The following SPATA7 variants were observed in gnomAD, a reference collection of about 807,000 sequenced individuals.
The protein encoded by SPATA7 is spermatogenesis-associated protein 7.
Under a neutral mutation model 51.8 loss-of-function variants are expected in SPATA7, and 43 were observed. The observed-to-expected ratio is 0.83, with a 90% CI of 0.65 to 1.07. SPATA7 has a LOEUF of 1.07. Among genes scored for constraint, SPATA7 ranks in the 50% least tolerant of loss-of-function variants. The pLI is 0.00. For missense variants in SPATA7, 683 were observed against 701.3 expected (o/e 0.97, Z 0.30); for synonymous variants, 230 against 252.8 (o/e 0.91, Z 0.86).
At chr14:88,426,747 A>T (rs1165584686) in intron 6 of SPATA7, 43 bp downstream of exon 6, 2 of 1,523,052 alleles carry the variant, frequency 1.3e-6, no homozygotes, top group East Asian at 2.3e-5. Context: ...TCAGGAAATT[A>T]AATGAAAATT....
At chr14:88,463,606 A>T (rs1318721426) in intron 4 of SPATA7, among the ~76,000 whole-genome samples, 2 of 152,122 alleles carry the variant, frequency 1.3e-5, no homozygotes, top group Non-Finnish European at 2.9e-5. Context: ...GTAAGCTTTG[A>T]GGGCACAAAC....
intron 9 of SPATA7, among the ~76,000 whole-genome samples, chr14:88,431,652 C>T (rs1012184432): frequency 6.6e-6 from 1 of 152,160 alleles, no homozygotes; most frequent in Non-Finnish European, 1.5e-5. Context: ...TTCTGTTCTA[C>T]TTTCTACTTC....
intron 4 of SPATA7, among the ~76,000 whole-genome samples, chr14:88,399,074 A>G (rs2075984483): frequency 6.6e-6 from 1 of 152,090 alleles, no homozygotes; most frequent in Admixed American, 6.6e-5. Flanking sequence ...AAAGAAAAAA[A>G]AGTAAATATC....
At chr14:88,415,636 T>C (rs908500845) in intron 4 of SPATA7, among the ~76,000 whole-genome samples, 2 of 152,148 alleles carry the variant, frequency 1.3e-5, no homozygotes, top group African/African-American at 4.8e-5. Flanking sequence ...GATCCTGTCA[T>C]GGTGGTGTTT....
intron 4 of SPATA7, among the ~76,000 whole-genome samples, chr14:88,412,167 T>A (rs1381416334): frequency 3.3e-5 from 5 of 152,122 alleles, no homozygotes; most frequent in Non-Finnish European, 7.4e-5. Context: ...CTTCTTTTGA[T>A]AAGTGTCTAT....
intron 10 of SPATA7, among the ~76,000 whole-genome samples, chr14:88,436,204 G>A (rs994085972): frequency 7.2e-5 from 11 of 152,152 alleles, no homozygotes; most frequent in South Asian, 4.1e-4. Flanking sequence ...TCTACAATTC[G>A]TATGTCTTTT....
At chr14:88,394,987 G>A (rs770965180) in intron 3 of SPATA7, among the ~76,000 whole-genome samples, 1 of 152,016 alleles carries the variant, frequency 6.6e-6, no homozygotes, top group Non-Finnish European at 1.5e-5. Flanking sequence ...GTATTAAGTT[G>A]TGAGTTTCTT....
chr14:88,416,641 A>T, intron 4 of SPATA7, 70 bp from the exon 5 acceptor site: 1 of 1,418,946 alleles, frequency 7.0e-7, no homozygotes, highest in Non-Finnish European at 9.9e-7. Flanking sequence ...TCCATTTATT[A>T]CTCTAACAAG....
chr14:88,398,153 T>C (rs1053998078), intron 4 of SPATA7, among the ~76,000 whole-genome samples: 2 of 152,070 alleles, frequency 1.3e-5, no homozygotes, highest in African/African-American at 4.8e-5. Context: ...GATTGTCGTA[T>C]TAATCATATA....
At chr14:88,441,989 C>T (rs1595308014), downstream of SPATA7, among the ~76,000 whole-genome samples, 1 of 152,086 alleles carries the variant, frequency 6.6e-6, no homozygotes, top group East Asian at 1.9e-4. Flanking sequence ...AGATTTAAGT[C>T]TTTGATCCAT....
chr14:88,397,584 A>C (rs1052065698), intron 4 of SPATA7, among the ~76,000 whole-genome samples: 4 of 151,536 alleles, frequency 2.6e-5, no homozygotes, highest in African/African-American at 9.7e-5. Context: ...TCAAGGCTGC[A>C]GTAAGCCATG....
chr14:88,463,526 A>G (rs768180842), intron 4 of SPATA7, among the ~76,000 whole-genome samples: 12 of 152,150 alleles, frequency 7.9e-5, no homozygotes, highest in Non-Finnish European at 1.3e-4. Context: ...AATTTCTTGG[A>G]GTACAGAACA....
intron 3 of SPATA7, among the ~76,000 whole-genome samples, chr14:88,453,304 G>A (rs780012438): frequency 3.3e-5 from 5 of 152,162 alleles, no homozygotes; most frequent in African/African-American, 7.2e-5. Flanking sequence ...CAGGTTCCCC[G>A]TGTAGAAAGA....
chr14:88,455,883 A>T (rs1446889036), downstream of SPATA7, among the ~76,000 whole-genome samples: 1 of 64,294 alleles, frequency 1.6e-5, no homozygotes, highest in African/African-American at 6.2e-5. Context: ...CCCTCCCCCC[A>T]CCCCACAACA....
At chr14:88,388,095 G>A (rs1490890698) in intron 1 of SPATA7, among the ~76,000 whole-genome samples, 3 of 151,968 alleles carry the variant, frequency 2.0e-5, no homozygotes, top group Non-Finnish European at 4.4e-5. Context: ...CCAGCTACTC[G>A]GGAGGCTAAG....
rs181052380 is a variant in SPATA7 at position 88,438,047 on chromosome 14, G to T, written c.1425G>T (p.Leu475Phe). 62 of 1,614,086 alleles carry T rather than the reference G, an allele frequency of 3.8e-5. No individual in the cohort carries two copies. The Middle Eastern group carries it at 1.2e-3, about 30-fold the overall frequency. Residue 475 changes from leucine (L) to phenylalanine (F), a missense_variant, in exon 12 of 12, where the codon TTG (leucine) becomes TTT (phenylalanine). Coordinates refer to ENST00000393545, the MANE Select transcript of SPATA7 (RefSeq NM_018418.5). ...ACCAAAAGGCTTTGGATATGTTATT[G>T]TCGGCACCAAAGGATGAGAACGAGA... ...QQYQKALDML[L>F]SAPKDENEIF... is the part of the protein sequence containing the mutation.
In SPATA7 at chr14:88,437,604, C is replaced by T. The variant is rs201943545; in HGVS notation, c.1215+7C>T. 2.5e-6 allele frequency: 4 copies of T among 1,601,480 alleles called. No individual in the cohort carries two copies. The highest frequency in any genetic ancestry group is 3.4e-6 in the Non-Finnish European group (4 of 1,170,436). On this transcript the variant is annotated splice_region_variant and intron_variant, in intron 11 of 11. Transcript: ENST00000393545. Reference sequence around the variant, plus strand: ...AAATAAACATTTGGAGGAGGTTTGTCTTTCCTTATAACTTCATTAGAAAAA... The same window carrying T: ...AAATAAACATTTGGAGGAGGTTTGTTTTTCCTTATAACTTCATTAGAAAAA...
chr14:88,404,174 A>T (rs1441893102), intron 4 of SPATA7, among the ~76,000 whole-genome samples: 1 of 152,194 alleles, frequency 6.6e-6, no homozygotes, highest in African/African-American at 2.4e-5. Context: ...AAGAAAAGGC[A>T]TATCTTGTTA....
At chr14:88,426,142 A>G (rs2076783763) in intron 5 of SPATA7, 90 bp from the exon 6 acceptor site, 2 of 912,932 alleles carry the variant, frequency 2.2e-6, no homozygotes, top group Admixed American at 4.0e-5. Context: ...TAAACCCTTG[A>G]GGCTATCATT....
Sources: gnomAD v4.1 joint callset for allele counts (sites outside exome capture counted in the v4.1 genomes callset) on GRCh38, gnomAD v4.1.1 for gene constraint, MANE v1.5 for transcripts, NCBI Gene and HGNC (gene_info 2026-07-23, HGNC 2026-07-21) for gene names.